The following KIRREL3 variants were observed in gnomAD, a reference collection of about 807,000 sequenced individuals.
The protein encoded by KIRREL3 is kin of IRRE-like protein 3.
A neutral mutation model predicts 89.7 loss-of-function variants in KIRREL3; 36 were observed. That is an observed-to-expected ratio of 0.40 (90% CI 0.31 to 0.53). KIRREL3 has a LOEUF of 0.53. KIRREL3 is among the 20% of genes least tolerant of loss of function. The pLI is 0.49. For synonymous variants in KIRREL3, 445 were observed against 441.4 expected (o/e 1.01, Z -0.10); for missense variants, 864 against 1,056.6 (o/e 0.82, Z 2.53).
At chr11:126,532,108 A>G (rs1307866761) in intron 2 of KIRREL3, among the ~76,000 whole-genome samples, 2 of 152,190 alleles carry the variant, frequency 1.3e-5, no homozygotes, top group African/African-American at 2.4e-5. Context: ...TTGGCTGTAT[A>G]CGTTGTTTCT....
Position 126,556,179 on chromosome 11 carries a change from G to A in KIRREL3, c.133+6656C>T, listed in dbSNP as rs534170434. On this transcript the variant is annotated intron_variant, in intron 2 of 16. Coordinates refer to ENST00000525144, the MANE Select transcript of KIRREL3 (RefSeq NM_032531.4). ...GGGGATTGGGCATGATAGATGCAAGGAGCCAGTTAGGAGAGCCCTGATGCA... is the reference window on the plus strand; with the variant it reads ...GGGGATTGGGCATGATAGATGCAAGAAGCCAGTTAGGAGAGCCCTGATGCA... Among the ~76,000 whole-genome samples the A allele has an allele frequency of 2.0e-5, 3 of 152,282 alleles. No homozygotes were observed. The South Asian group carries it at 6.2e-4, about 32-fold the overall frequency.
rs1941933418 is a variant in KIRREL3 at position 126,587,681 on chromosome 11, A to G, written c.56-24769T>C. On this transcript the variant is annotated intron_variant, in intron 1 of 16. Transcript: ENST00000525144. This position sits in a 1 kb window ranked among gnomAD's most constrained non-coding sequence, Gnocchi z 5.2. ...CTGTAATCTGGGAGATATTCATTTA[A>G]CATATTTCTGTCTCTGAATGGCTTT... Among the ~76,000 whole-genome samples, 1 of 152,244 alleles carries G rather than the reference A, an allele frequency of 6.6e-6. No individual in the cohort carries two copies.
chr11:126,451,141 G>T (rs1956109923), intron 7 of KIRREL3, among the ~76,000 whole-genome samples: 1 of 149,996 alleles, frequency 6.7e-6, no homozygotes, highest in South Asian at 2.1e-4. Context: ...GCATGTGTGT[G>T]CATGTGTAAA....
chr11:126,948,496 C>A lies in KIRREL3; in HGVS notation c.55+51959G>T, dbSNP rs2135138450. On this transcript the variant is annotated intron_variant, in intron 1 of 16. Transcript: ENST00000525144. This position sits in a 1 kb window ranked among gnomAD's most constrained non-coding sequence, Gnocchi z 4.5. ...GGACTCTTGTTCATAGTGCAATGCC[C>A]AAAGAACTAGCATAGTTCTTCCCCA... Among the ~76,000 whole-genome samples the A allele has an allele frequency of 6.6e-6, 1 of 152,164 alleles. No homozygotes were observed. Among genetic ancestry groups the A allele is most frequent in the Non-Finnish European group, 1.5e-5 (1 of 68,004 alleles).
At position 126,788,705 on chromosome 11, in the gene KIRREL3, A is replaced by T. The variant is rs1237816608; in HGVS notation, c.55+211750T>A. 6.6e-6 allele frequency among the ~76,000 whole-genome samples: 1 copy of T among 152,184 alleles called. No homozygotes were observed. The highest frequency in any genetic ancestry group is 1.5e-5 in the Non-Finnish European group (1 of 68,028). On this transcript the variant is annotated intron_variant, in intron 1 of 16. Coordinates refer to ENST00000525144, the MANE Select transcript of KIRREL3 (RefSeq NM_032531.4). The surrounding 1 kb of genome is among the most constrained non-coding windows in gnomAD (Gnocchi z 4.1). ...CATTATAGACCACAAAGGCCCTACAATTGCTATCAAAGGAACTGATTGTTT... is the reference window on the plus strand; with the variant it reads ...CATTATAGACCACAAAGGCCCTACATTTGCTATCAAAGGAACTGATTGTTT...
rs1344654048 is a variant in KIRREL3 at position 126,495,648 on chromosome 11, G to C, written c.434-22182C>G. Among the ~76,000 whole-genome samples the C allele has an allele frequency of 6.6e-6, 1 of 152,124 alleles. No homozygotes were observed. The highest frequency in any genetic ancestry group is 1.5e-5 in the Non-Finnish European group (1 of 68,026). ...TTGTGTCCTCCCTGCTGTGACACCAGGTATAAGCAGAAACTTATGGTCACA... is the reference window on the plus strand; with the variant it reads ...TTGTGTCCTCCCTGCTGTGACACCACGTATAAGCAGAAACTTATGGTCACA... On this transcript the variant is annotated intron_variant, in intron 4 of 16. Transcript: ENST00000525144. The surrounding 1 kb of genome is among the most constrained non-coding windows in gnomAD (Gnocchi z 6.5).
rs1263180428 is a variant in KIRREL3, at chr11:126,719,508, T to C, written c.56-156596A>G. Among the ~76,000 whole-genome samples the C allele has an allele frequency of 6.6e-6, 1 of 152,204 alleles. No individual in the cohort carries two copies. The highest frequency in any genetic ancestry group is 2.4e-5 in the African/African-American group (1 of 41,462). ...TCCCATGGCTTTCATTCCACCCGCA[T>C]GCTGAAGTCTACTTCCTTGCTGGGC... On this transcript the variant is annotated intron_variant, in intron 1 of 16. Transcript: ENST00000525144. This position sits in a 1 kb window ranked among gnomAD's most constrained non-coding sequence, Gnocchi z 4.7.
rs1013739653 is a variant in KIRREL3, at chr11:126,446,980, G to T, written c.998-94C>A. ...CTCCTTTTCCCCCTAGACCTTGACT[G>T]GGGGGAGGCAGGCAGTGGGGTACTT... On this transcript the variant is annotated intron_variant, in intron 8 of 16. Transcript: ENST00000525144. 7.7e-6 allele frequency: 11 copies of T among 1,428,726 alleles called. No homozygotes were observed. In the South Asian group the frequency reaches 7.8e-5, roughly 10 times the overall value. 88.5% of individuals were successfully genotyped at this position (1,428,726 alleles called of 1,614,324 possible).
intron 1 of KIRREL3, among the ~76,000 whole-genome samples, chr11:126,718,690 G>A (rs536133786): frequency 1.4e-4 from 22 of 152,322 alleles, no homozygotes; most frequent in African/African-American, 4.8e-4. Flanking sequence ...ATCATTTGCC[G>A]TGGGCATGGT....
rs1217303369 is a variant in KIRREL3, at chr11:126,705,962, A to G, written c.56-143050T>C. Among the ~76,000 whole-genome samples, 1 of 152,306 alleles carries G rather than the reference A, an allele frequency of 6.6e-6. No homozygotes were observed. Among genetic ancestry groups the G allele is most frequent in the South Asian group, 2.1e-4 (1 of 4,824 alleles). On this transcript the variant is annotated intron_variant, in intron 1 of 16. Coordinates refer to ENST00000525144, the MANE Select transcript of KIRREL3 (RefSeq NM_032531.4). This position sits in a 1 kb window ranked among gnomAD's most constrained non-coding sequence, Gnocchi z 4.3. ...CTGTGCTGTGAGAAGCCTACCCCAC[A>G]TGGAAATATACACAGAGGAAAATGG...
chr11:126,718,452 G>A (rs1411023726), intron 1 of KIRREL3, among the ~76,000 whole-genome samples: 4 of 152,204 alleles, frequency 2.6e-5, no homozygotes, highest in African/African-American at 4.8e-5. Flanking sequence ...ATATAAGGAC[G>A]AGGGTGTTTG....
intron 1 of KIRREL3, among the ~76,000 whole-genome samples, chr11:126,895,016 C>G (rs1042065627): frequency 1.3e-4 from 20 of 152,134 alleles, no homozygotes; most frequent in African/African-American, 4.3e-4. Flanking sequence ...GGGGAGCACT[C>G]TGCAAGAGTC....
Position 126,526,732 on chromosome 11 carries a change from G to T in KIRREL3, c.134-45C>A. On this transcript the variant is annotated intron_variant, in intron 2 of 16. Transcript: ENST00000525144. The surrounding 1 kb of genome is among the most constrained non-coding windows in gnomAD (Gnocchi z 5.7). ...AATGGTCAGTTATCTGCCGGCTACA[G>T]GGGCGAGAAGGCTCCCCTCCAGCTA... The T allele has an allele frequency of 6.5e-7, 1 of 1,531,568 alleles. No homozygotes were observed. Among genetic ancestry groups the T allele is most frequent in the Non-Finnish European group, 8.8e-7 (1 of 1,131,012 alleles). 94.9% of individuals were successfully genotyped at this position (1,531,568 alleles called of 1,614,324 possible). A position where few individuals can be genotyped will look rare whatever the true frequency, so the allele number is the denominator to read the frequency against.
rs1216356938 is a variant in KIRREL3, at chr11:126,970,882, C to A, written c.55+29573G>T. Among the ~76,000 whole-genome samples the A allele has an allele frequency of 6.6e-6, 1 of 152,178 alleles. No individual in the cohort carries two copies. The highest frequency in any genetic ancestry group is 2.4e-5 in the African/African-American group (1 of 41,436). Reference sequence around the variant, plus strand: ...ATGAGGCTCACCTGCTGCCAGGTATCTACGCAGCAGGAGAACCACAAACAG... The same window carrying A: ...ATGAGGCTCACCTGCTGCCAGGTATATACGCAGCAGGAGAACCACAAACAG... On this transcript the variant is annotated intron_variant, in intron 1 of 16. Transcript: ENST00000525144. The surrounding 1 kb of genome is among the most constrained non-coding windows in gnomAD (Gnocchi z 4.4).
intron 1 of KIRREL3, among the ~76,000 whole-genome samples, chr11:126,790,476 T>A (rs1210451079): frequency 2.0e-5 from 3 of 152,210 alleles, no homozygotes; most frequent in Admixed American, 6.5e-5. Context: ...CAGTAACACT[T>A]AACTCATGAG....
chr11:126,793,202 A>G (rs942439663), intron 1 of KIRREL3, among the ~76,000 whole-genome samples: 12 of 151,460 alleles, frequency 7.9e-5, no homozygotes, highest in African/African-American at 2.9e-4. Flanking sequence ...AGGCCAGGGC[A>G]TGTAAAAGTC....
chr11:126,472,531 TG>T (rs1235716872), intron 5 of KIRREL3, among the ~76,000 whole-genome samples: 1 of 152,044 alleles, frequency 6.6e-6, no homozygotes, highest in Admixed American at 6.5e-5. Context: ...TCCTCATACT[TG>T]GGGGTTAGGA....
rs529047249 is a variant in KIRREL3, at chr11:126,844,479, G to C, written c.55+155976C>G. Among the ~76,000 whole-genome samples, 86 of 152,288 alleles carry C rather than the reference G, an allele frequency of 5.6e-4. No homozygotes were observed. The highest frequency in any genetic ancestry group is 1.9e-3 in the African/African-American group (81 of 41,560). ...ACTGATTGGCAGATTTTGGGTAGGT[G>C]GTGGGGTACCCAGATAAAGGATGGG... On this transcript the variant is annotated intron_variant, in intron 1 of 16. Transcript: ENST00000525144. This position sits in a 1 kb window ranked among gnomAD's most constrained non-coding sequence, Gnocchi z 4.8.
At chr11:126,681,645 G>A (rs1946461278) in intron 1 of KIRREL3, 2 of 309,698 alleles carry the variant, frequency 6.5e-6, no homozygotes, top group Non-Finnish European at 1.3e-5. Flanking sequence ...AGCACACACT[G>A]GAGATCAGTG....
Sources: gnomAD v4.1 joint callset for allele counts (sites outside exome capture counted in the v4.1 genomes callset) on GRCh38, gnomAD v4.1.1 for gene constraint, Gnocchi (gnomAD v3.1) non-coding constraint, MANE v1.5 for transcripts, NCBI Gene and HGNC (gene_info 2026-07-23, HGNC 2026-07-21) for gene names.